PDE8A: variants seen among roughly 807,000 people sequenced by gnomAD.
PDE8A encodes the protein phosphodiesterase 8A.
Under a neutral mutation model 105.0 loss-of-function variants are expected in PDE8A, and 59 were observed. The ratio of observed to expected loss-of-function variants is 0.56; its 90% confidence interval spans 0.46 to 0.70. The LOEUF (loss-of-function observed/expected upper bound fraction) is 0.70. PDE8A is among the 30% of genes least tolerant of loss of function. The probability of loss-of-function intolerance (pLI) is 0.00; values close to 1 mark genes in which losing one functional copy is unlikely to be tolerated. For synonymous variants in PDE8A, 355 were observed against 371.9 expected (o/e 0.95, Z 0.52); for missense variants, 1,014 against 1,045.9 (o/e 0.97, Z 0.42).
chr15:85,110,302 TA>T (rs1036394620), intron 12 of PDE8A, among the ~76,000 whole-genome samples: 1 of 152,232 alleles, frequency 6.6e-6, no homozygotes, highest in African/African-American at 2.4e-5. Flanking sequence ...TTCTGTGTTT[TA>T]ATAAACATCT....
At chr15:85,069,752 A>C (rs574565171) in intron 3 of PDE8A, among the ~76,000 whole-genome samples, 1 of 152,234 alleles carries the variant, frequency 6.6e-6, no homozygotes, top group South Asian at 2.1e-4. Context: ...GTAATCCCCG[A>C]TCACATTTAT....
chr15:84,981,411 A>T (rs1010537072), upstream of PDE8A, among the ~76,000 whole-genome samples: 2 of 152,108 alleles, frequency 1.3e-5, no homozygotes, highest in African/African-American at 4.8e-5. Context: ...CCGTACCGCC[A>T]GCAACTCCTG....
intron 19 of PDE8A, among the ~76,000 whole-genome samples, chr15:85,124,856 C>T (rs2082235426): frequency 6.6e-6 from 1 of 152,214 alleles, no homozygotes; most frequent in Admixed American, 6.5e-5. Flanking sequence ...TTGGTTTCCT[C>T]TGTCTAGTCT....
chr15:84,981,290 C>T (rs2079703134), upstream of PDE8A, among the ~76,000 whole-genome samples: 1 of 152,178 alleles, frequency 6.6e-6, no homozygotes, highest in Non-Finnish European at 1.5e-5. Flanking sequence ...AGGTGGCGGG[C>T]GCCCCAGCTG....
At chr15:85,028,975 A>G (rs2080565862) in intron 1 of PDE8A, among the ~76,000 whole-genome samples, 2 of 152,202 alleles carry the variant, frequency 1.3e-5, no homozygotes. Flanking sequence ...ATGGCAGCAC[A>G]AAGTAATCTG....
At chr15:85,090,435 A>G (rs72759054) in intron 7 of PDE8A, among the ~76,000 whole-genome samples, 1 of 152,274 alleles carries the variant, frequency 6.6e-6, no homozygotes, top group Non-Finnish European at 1.5e-5. Context: ...CAGTTTTCCC[A>G]TGTATTTTCT....
intron 1 of PDE8A, among the ~76,000 whole-genome samples, chr15:85,043,608 T>C (rs1226918853): frequency 6.6e-6 from 1 of 152,264 alleles, no homozygotes; most frequent in Non-Finnish European, 1.5e-5. Context: ...CTGTATTTAA[T>C]ACGTTAATAC....
intron 3 of PDE8A, among the ~76,000 whole-genome samples, chr15:85,073,458 T>A (rs772397926): frequency 6.6e-6 from 1 of 152,198 alleles, no homozygotes. Flanking sequence ...TCCCTTCCAC[T>A]TTATCCTTAA....
At chr15:85,042,535 G>A (rs2080826731) in intron 1 of PDE8A, among the ~76,000 whole-genome samples, 1 of 152,196 alleles carries the variant, frequency 6.6e-6, no homozygotes, top group Admixed American at 6.5e-5. Context: ...CAAGAAGGAG[G>A]CTGGGGTTAA....
intron 1 of PDE8A, among the ~76,000 whole-genome samples, chr15:84,990,923 T>C (rs1479477428): frequency 6.6e-6 from 1 of 152,240 alleles, no homozygotes; most frequent in African/African-American, 2.4e-5. Flanking sequence ...ATTTTAGCCA[T>C]TCTGGTGGGT....
intron 1 of PDE8A, among the ~76,000 whole-genome samples, chr15:85,053,927 C>T (rs1221323137): frequency 6.6e-6 from 1 of 152,158 alleles, no homozygotes; most frequent in Non-Finnish European, 1.5e-5. Flanking sequence ...CAGTTTTTGC[C>T]CATTCAGTAT....
At chr15:85,033,955 T>C (rs553261097) in intron 1 of PDE8A, among the ~76,000 whole-genome samples, 2 of 152,306 alleles carry the variant, frequency 1.3e-5, no homozygotes, top group East Asian at 3.9e-4. Context: ...TCAAGAAGTT[T>C]CCAGAAATAA....
chr15:85,020,961 T>G (rs2141353502), intron 1 of PDE8A, among the ~76,000 whole-genome samples: 1 of 152,322 alleles, frequency 6.6e-6, no homozygotes, highest in Non-Finnish European at 1.5e-5. Context: ...TAATTTCCTT[T>G]GTAGCTGCTA....
In PDE8A at chr15:85,121,141, A is replaced by G. The variant is rs367711725; in HGVS notation, c.1952+127A>G. On this transcript the variant is annotated intron_variant, in intron 18 of 21. Coordinates refer to ENST00000394553, the MANE Select transcript of PDE8A (RefSeq NM_002605.3). ...GCACAAAGTATACAGTGGGCCGGACATAGTGGCTCATGCCTATAATCCCAG... is the reference window on the plus strand; with the variant it reads ...GCACAAAGTATACAGTGGGCCGGACGTAGTGGCTCATGCCTATAATCCCAG... 8 of 618,258 alleles carry G rather than the reference A, an allele frequency of 1.3e-5. No homozygotes were observed. In the South Asian group the frequency reaches 1.8e-4, roughly 14 times the overall value. 38.3% of individuals were successfully genotyped at this position (618,258 alleles called of 1,614,324 possible).
chr15:85,108,639 C>A (rs1328892274), intron 11 of PDE8A, among the ~76,000 whole-genome samples: 1 of 152,092 alleles, frequency 6.6e-6, no homozygotes, highest in African/African-American at 2.4e-5. Context: ...AGAATGTTTT[C>A]CCTGGGATAT....
At chr15:85,087,571 A>G (rs1420887630) in intron 6 of PDE8A, among the ~76,000 whole-genome samples, 1 of 152,022 alleles carries the variant, frequency 6.6e-6, no homozygotes, top group Non-Finnish European at 1.5e-5. Context: ...CTTTTTTTTC[A>G]TCTTCTGAGG....
chr15:85,026,083 T>C (rs185112786), intron 1 of PDE8A, among the ~76,000 whole-genome samples: 92 of 152,330 alleles, frequency 6.0e-4, no homozygotes, highest in African/African-American at 2.1e-3. Context: ...TTTGTCAAAC[T>C]GCCTGCTAAT....
At chr15:85,116,470 T>C (rs1004012677) in intron 16 of PDE8A, among the ~76,000 whole-genome samples, 1 of 152,194 alleles carries the variant, frequency 6.6e-6, no homozygotes, top group Non-Finnish European at 1.5e-5. Context: ...TAGAAACACA[T>C]ACACATGTGA....
At chr15:85,088,910 T>C (rs1441642720) in intron 6 of PDE8A, among the ~76,000 whole-genome samples, 2 of 152,240 alleles carry the variant, frequency 1.3e-5, no homozygotes, top group Non-Finnish European at 1.5e-5. Flanking sequence ...ATAATTTGTT[T>C]AAAATAATAG....
Sources: allele counts gnomAD v4.1 joint callset (sites outside exome capture counted in the v4.1 genomes callset), GRCh38; gene constraint gnomAD v4.1.1; transcripts MANE v1.5; gene names NCBI Gene and HGNC (gene_info 2026-07-23, HGNC 2026-07-21).